Variants in TREM1 observed in about 807,000 individuals in gnomAD.
TREM1 encodes triggering receptor expressed on myeloid cells 1.
TREM1 carries 16 observed loss-of-function variants against 22.4 expected under a neutral mutation model. That is an observed-to-expected ratio of 0.71 (90% confidence interval 0.48 to 1.08). The LOEUF is 1.08. Among genes scored for constraint, TREM1 ranks in the 50% least tolerant of loss-of-function variants. TREM1 has a pLI of 0.00. For synonymous variants in TREM1, 110 were observed against 111.6 expected, an observed-to-expected ratio of 0.99 and a Z score of 0.09; for missense variants, 283 against 282.9, an observed-to-expected ratio of 1.00 and a Z score of 0.00.
At position 41,275,897 on chromosome 6, in the gene TREM1, T is replaced by C. The variant is rs1309066415; in HGVS notation, c.*228A>G. 1 of 565,582 alleles carries C rather than the reference T, an allele frequency of 1.8e-6. No individual in the cohort carries two copies. Among genetic ancestry groups the C allele is most frequent in the African/African-American group, 1.9e-5 (1 of 53,120 alleles). 35.0% of individuals were successfully genotyped at this position (565,582 alleles called of 1,614,324 possible). On this transcript the variant is annotated 3_prime_UTR_variant, in exon 4 of 4. Coordinates refer to ENST00000244709, the MANE Select transcript of TREM1 (RefSeq NM_018643.5). ...GGCTGGTGGAATGAAGGACCAAGCA[T>C]GTTTGGGGCTGTAACTTCTTTTCTG...
At position 41,286,637 on chromosome 6, in the gene TREM1, AG is replaced by A. The variant is rs1414265640; in HGVS notation, c.18del (p.Trp7GlyfsTer18). On this transcript the variant is annotated frameshift_variant, in exon 1 of 4. Coordinates refer to ENST00000244709, the MANE Select transcript of TREM1 (RefSeq NM_018643.5). LOFTEE classifies it high-confidence loss of function. MRKTR[L>X]WGLLWMLFVS... is the part of the protein sequence containing the mutation. ...ACAAAGAGCATCCACAGCAGCCCCC[AG>A]AGCCTGGTCTTCCTCATCCTTCCTG... 1.9e-6 allele frequency: 3 copies of A among 1,613,946 alleles called. No homozygotes were observed. The highest frequency in any genetic ancestry group is 2.5e-6 in the Non-Finnish European group (3 of 1,179,966).
At chr6:41,280,934 A>C (rs1412443226) in intron 3 of TREM1, 27 bp downstream of exon 3, 5 of 1,613,998 alleles carry the variant, frequency 3.1e-6, no homozygotes, top group Non-Finnish European at 4.2e-6. Flanking sequence ...TGTCCAAACC[A>C]GGGGCCCAGG....
chr6:41,276,154 C>T lies in TREM1; in HGVS notation c.676G>A (p.Ala226Thr). 1 of 1,614,140 alleles carries T rather than the reference C, an allele frequency of 6.2e-7. No homozygotes were observed. Among genetic ancestry groups the T allele is most frequent in the Admixed American group, 1.7e-5 (1 of 60,018 alleles). ...GGTACAAATGACCTCAGCGTGACAG[C>T]AAACAGGACAGAGAAGACCAGGCTC... Reference protein sequence around the residue: ...SKSLVFSVLFAVTLRSFVP With the variant: ...SKSLVFSVLFTVTLRSFVP The change falls in exon 4 of 4, where the codon GCT becomes ACT. Residue 226 changes from alanine (A) to threonine (T), a missense_variant. By Grantham distance (58) the Ala-to-Thr change is moderately conservative (BLOSUM62 0). Transcript: ENST00000244709.
Position 41,268,116 on chromosome 6 carries a change from G to A in TREM1, c.600-28C>T, listed in dbSNP as rs112984994. 2.6e-3 allele frequency: 1,024 copies of A among 398,526 alleles called. 11 individuals are homozygous for A. The highest frequency in any genetic ancestry group is 0.017 in the African/African-American group (816 of 48,730). The allele number at this position is 398,526 out of a possible 1,614,324, so 24.7% of individuals were successfully genotyped here. ...GCAAATTCAAGCGGGGGAAATGATT[G>A]GGTCAGGGAGCCCATACAGGAGATA... On this transcript the variant is annotated intron_variant, in intron 3 of 3. Coordinates refer to the TREM1 transcript ENST00000589614.
intron 1 of TREM1, among the ~76,000 whole-genome samples, chr6:41,285,639 T>C (rs557363626): frequency 1.3e-5 from 2 of 152,336 alleles, no homozygotes; most frequent in Non-Finnish European, 2.9e-5. Context: ...TATATACCAC[T>C]GGTTTTCTCT....
At chr6:41,279,751 G>A in intron 3 of TREM1, 2 of 985,456 alleles carry the variant, frequency 2.0e-6, no homozygotes, top group Non-Finnish European at 2.4e-6. Flanking sequence ...GTGTCTGTAA[G>A]CCTGCCATGA....
chr6:41,276,216 T>C lies in TREM1; in HGVS notation c.614A>G (p.Asn205Ser), dbSNP rs1767662194. ...VTDIIRVPVF[N>S]IVILLAGGFL... ...TCCACCAGCCAGGAGAATGACAATG[T>C]TGAACACCGGAACCCTGCGGGAGAC... is the stretch of plus-strand genomic sequence containing the variant. The change falls in exon 4 of 4, where the codon AAC (asparagine) becomes AGC (serine). Residue 205 changes from asparagine to serine, a missense_variant. Transcript: ENST00000244709. 5 of 1,613,992 alleles carry C rather than the reference T, an allele frequency of 3.1e-6. No homozygotes were observed. Among genetic ancestry groups the C allele is most frequent in the Non-Finnish European group, 4.2e-6 (5 of 1,179,984 alleles).
intron 3 of TREM1, among the ~76,000 whole-genome samples, chr6:41,268,441 AG>A (rs1484576796): frequency 5.9e-5 from 9 of 152,232 alleles, no homozygotes; most frequent in African/African-American, 2.2e-4. Context: ...CTTAAATTAA[AG>A]AACTGGGCAG....
At chr6:41,283,718 AAACACACAC>A (rs1474839647) in intron 1 of TREM1, among the ~76,000 whole-genome samples, 3 of 145,450 alleles carry the variant, frequency 2.1e-5, no homozygotes, top group African/African-American at 8.2e-5. Flanking sequence ...TTAAAAAAAA[AAACACACAC>A]ACACACACAC....
At chr6:41,269,179 C>T (rs527323115), downstream of TREM1, among the ~76,000 whole-genome samples, 1 of 152,256 alleles carries the variant, frequency 6.6e-6, no homozygotes, top group South Asian at 2.1e-4. Flanking sequence ...GCACTGAGCT[C>T]CACCATCCCA....
At chr6:41,283,935 G>C (rs1000501160) in intron 1 of TREM1, among the ~76,000 whole-genome samples, 2 of 152,144 alleles carry the variant, frequency 1.3e-5, no homozygotes, top group African/African-American at 2.4e-5. Flanking sequence ...GGCTGCCCGA[G>C]AATGGCTAAA....
intron 3 of TREM1, among the ~76,000 whole-genome samples, chr6:41,277,228 A>G (rs1220227500): frequency 6.6e-6 from 1 of 152,206 alleles, no homozygotes; most frequent in Non-Finnish European, 1.5e-5. Flanking sequence ...TAAAGGAGCT[A>G]GAAAGCAGAA....
chr6:41,277,429 G>A (rs976293260), intron 3 of TREM1, among the ~76,000 whole-genome samples: 2 of 152,126 alleles, frequency 1.3e-5, no homozygotes, highest in African/African-American at 4.8e-5. Flanking sequence ...CCCCTCACAT[G>A]GTGGCGCACT....
chr6:41,281,157 C>G lies in TREM1; in HGVS notation c.407-4G>C, dbSNP rs777259998. 3 of 1,612,200 alleles carry G rather than the reference C, an allele frequency of 1.9e-6. No individual in the cohort carries two copies. Among genetic ancestry groups the G allele is most frequent in the Non-Finnish European group, 1.7e-6 (2 of 1,178,732 alleles). ...GAGCCAGGGGTCCCTGAAAAACCTG[C>G]AAGAAGACACATTGGATGGATGGAT... On this transcript the variant is annotated splice_polypyrimidine_tract_variant and splice_region_variant and intron_variant, in intron 2 of 3. Coordinates refer to ENST00000244709, the MANE Select transcript of TREM1 (RefSeq NM_018643.5).
chr6:41,282,727 G>C lies in TREM1; in HGVS notation c.74C>G (p.Thr25Ser). 3 of 1,613,548 alleles carry C rather than the reference G, an allele frequency of 1.9e-6. No homozygotes were observed. The highest frequency in any genetic ancestry group is 2.5e-6 in the Non-Finnish European group (3 of 1,179,718). The part of the protein sequence containing the change: ...VSELRAATKL[T>S]EEKYELKEGQ... ...CTCTTTCAGTTCATACTTTTCCTCA[G>C]TTAATTTAGTTGCAGCTCGGAGTTC... Residue 25 changes from threonine (T) to serine (S), a missense_variant, in exon 2 of 4, where the codon ACT (threonine) becomes AGT (serine). By Grantham distance (58) the Thr-to-Ser change is moderately conservative (BLOSUM62 1). Coordinates refer to ENST00000244709, the MANE Select transcript of TREM1 (RefSeq NM_018643.5).
At chr6:41,279,184 TTTAG>T (rs1283016450) in intron 3 of TREM1, among the ~76,000 whole-genome samples, 1 of 152,186 alleles carries the variant, frequency 6.6e-6, no homozygotes. Flanking sequence ...CACCTTAGCC[TTTAG>T]TTAGCCACAA....
In TREM1 at chr6:41,274,716, G is replaced by A. The variant is rs932209711; in HGVS notation, c.*1409C>T. ...CTCTAGGGTCATTACCATTACCTGGGCAGGTTCTGACAGAGCAGCATTTAG... is the reference window on the plus strand; with the variant it reads ...CTCTAGGGTCATTACCATTACCTGGACAGGTTCTGACAGAGCAGCATTTAG... On this transcript the variant is annotated 3_prime_UTR_variant, in exon 4 of 4. Transcript: ENST00000244709. Among the ~76,000 whole-genome samples the A allele has an allele frequency of 6.6e-6, 1 of 152,152 alleles. No homozygotes were observed. The highest frequency in any genetic ancestry group is 1.5e-5 in the Non-Finnish European group (1 of 68,026).
chr6:41,270,568 G>A (rs2113968586), downstream of TREM1, among the ~76,000 whole-genome samples: 1 of 151,876 alleles, frequency 6.6e-6, no homozygotes, highest in South Asian at 2.1e-4. Flanking sequence ...AGTTGACTGT[G>A]ACTACTCTTT....
rs1767653490 is a variant in TREM1, at chr6:41,276,085, G to A, written c.*40C>T. The A allele has an allele frequency of 6.7e-7, 1 of 1,500,716 alleles. No homozygotes were observed. Among genetic ancestry groups the A allele is most frequent in the Admixed American group, 1.7e-5 (1 of 59,826 alleles). 93.0% of individuals were successfully genotyped at this position (1,500,716 alleles called of 1,614,324 possible). On this transcript the variant is annotated 3_prime_UTR_variant, in exon 4 of 4. Coordinates refer to ENST00000244709, the MANE Select transcript of TREM1 (RefSeq NM_018643.5). ...CCCTTGGCACAACTGCCAGATGGAT[G>A]TGGCTGGAAGTCAGAGGACATTCTC... is the stretch of plus-strand genomic sequence containing the variant.
Sources: gnomAD v4.1 joint callset for allele counts (sites outside exome capture counted in the v4.1 genomes callset) on GRCh38, gnomAD v4.1.1 for gene constraint, MANE v1.5 for transcripts, NCBI Gene and HGNC (gene_info 2026-07-23, HGNC 2026-07-21) for gene names.